The following PCDHGA3 variants were observed in gnomAD, a reference collection of about 807,000 sequenced individuals.
PCDHGA3 encodes protocadherin gamma-A3.
PCDHGA3 carries 40 observed loss-of-function variants against 58.5 expected under a neutral mutation model. The ratio of observed to expected loss-of-function variants is 0.68; its 90% confidence interval spans 0.53 to 0.89. The LOEUF is 0.89. PCDHGA3 is among the 40% of genes least tolerant of loss of function. The pLI, the probability that PCDHGA3 is intolerant of heterozygous loss-of-function variation, is 0.00. For missense variants in PCDHGA3, 1,223 were observed against 1,195.9 expected, an observed-to-expected ratio of 1.02 and a Z score of -0.33; for synonymous variants, 530 against 525.7, an observed-to-expected ratio of 1.01 and a Z score of -0.11.
chr5:141,494,937 G>C (rs759078748), intron 2 of PCDHGA3, 72 bp downstream of exon 2: 1 of 1,612,276 alleles, frequency 6.2e-7, no homozygotes, highest in African/African-American at 1.3e-5. Flanking sequence ...GAGGAGATGG[G>C]GGAGGGCCCA....
chr5:141,502,884 A>T (rs2099816871), intron 2 of PCDHGA3, among the ~76,000 whole-genome samples: 1 of 36,804 alleles, frequency 2.7e-5, no homozygotes, highest in African/African-American at 3.5e-4. Context: ...TTTTTTTGAC[A>T]GGGAGTCTAG....
rs772637812 is a variant in PCDHGA3 at position 141,408,685 on chromosome 5, TATAAAC to T, written c.2424+62235_2424+62240del. On this transcript the variant is annotated intron_variant, in intron 1 of 3. Transcript: ENST00000253812. ...CGCTTGACCCTGCCACGGATCCTGA[TATAAAC>T]ATAAACTCAATTAAAGATTATAAGA... 8 of 1,613,994 alleles carry T rather than the reference TATAAAC, an allele frequency of 5.0e-6. No individual in the cohort carries two copies. The Admixed American group carries it at 1.0e-4, about 20-fold the overall frequency.
rs1437409726 is a variant in PCDHGA3, at chr5:141,471,036, C to T, written c.2425-23771C>T. Among the ~76,000 whole-genome samples the T allele has an allele frequency of 2.8e-5, 4 of 144,908 alleles. No homozygotes were observed. The South Asian group carries it at 6.5e-4, about 24-fold the overall frequency. ...CTGGTCAATCATTTTTATTAACAAG[C>T]CCAAGCCCTCTTTTTTTTTTTTTTT... On this transcript the variant is annotated intron_variant, in intron 1 of 3. Transcript: ENST00000253812.
chr5:141,395,558 G>C (rs60237573), intron 1 of PCDHGA3: 1 of 127,872 alleles, frequency 7.8e-6, no homozygotes, highest in Non-Finnish European at 1.4e-5. Flanking sequence ...GTGTGTGTGT[G>C]TGTGTGTGTG....
intron 1 of PCDHGA3, chr5:141,427,310 C>A (rs989300491): frequency 2.2e-5 from 10 of 456,738 alleles, no homozygotes; most frequent in African/African-American, 1.8e-4. Flanking sequence ...ATGACAATGC[C>A]CCAGACGTGG....
chr5:141,477,819 T>C lies in PCDHGA3; in HGVS notation c.2425-16988T>C. 1.9e-6 allele frequency: 3 copies of C among 1,614,138 alleles called. No individual in the cohort carries two copies. The highest frequency in any genetic ancestry group is 2.5e-6 in the Non-Finnish European group (3 of 1,180,030). On this transcript the variant is annotated intron_variant, in intron 1 of 3. Transcript: ENST00000253812. The surrounding 1 kb of genome is among the most constrained non-coding windows in gnomAD (Gnocchi z 4.9). ...CGCAATGACAATGCCCCCCAGGTCC[T>C]ATATCCTCGGCCAGGTGGGAGCTCG...
chr5:141,350,480 GT>G lies in PCDHGA3; in HGVS notation c.2424+4025del, dbSNP rs1758487780. On this transcript the variant is annotated intron_variant, in intron 1 of 3. Coordinates refer to ENST00000253812, the MANE Select transcript of PCDHGA3 (RefSeq NM_018916.4). ...GGTTAGTGCAGAGGATTATTTCAAC[GT>G]TAGTTTGGAGAGCGGGGATTTGTTA... 6 of 1,614,016 alleles carry G rather than the reference GT, an allele frequency of 3.7e-6. No homozygotes were observed. In the East Asian group the frequency reaches 1.1e-4, roughly 30 times the overall value.
At position 141,419,527 on chromosome 5, in the gene PCDHGA3, C is replaced by G. The variant is rs755936657; in HGVS notation, c.2424+73070C>G. ...TGCGCGTGTTGGTGGGCGACCGTAA[C>G]GACAACGCACCGCGGGTGCTGTACC... is the stretch of plus-strand genomic sequence containing the variant. On this transcript the variant is annotated intron_variant, in intron 1 of 3. Transcript: ENST00000253812. The G allele has an allele frequency of 6.8e-5, 110 of 1,612,064 alleles. 2 individuals carry two copies. In the South Asian group the frequency reaches 9.6e-4, roughly 14 times the overall value.
At chr5:141,414,802 G>C (rs201378410) in intron 1 of PCDHGA3, 3 of 1,614,108 alleles carry the variant, frequency 1.9e-6, no homozygotes, top group Admixed American at 3.3e-5. Flanking sequence ...CGACAGCGGG[G>C]ATCCTCCACT....
chr5:141,408,817 G>T (rs2095174337), intron 1 of PCDHGA3: 2 of 1,613,438 alleles, frequency 1.2e-6, no homozygotes, highest in Admixed American at 1.7e-5. Context: ...GGGAAGAACA[G>T]AGATCTCATA....
chr5:141,383,475 G>A (rs762489709), intron 1 of PCDHGA3: 1 of 1,613,594 alleles, frequency 6.2e-7, no homozygotes, highest in African/African-American at 1.3e-5. Flanking sequence ...CTAAGTACCC[G>A]GAACTGGTGC....
chr5:141,476,726 C>T lies in PCDHGA3; in HGVS notation c.2425-18081C>T. On this transcript the variant is annotated intron_variant, in intron 1 of 3. Coordinates refer to ENST00000253812, the MANE Select transcript of PCDHGA3 (RefSeq NM_018916.4). This position sits in a 1 kb window ranked among gnomAD's most constrained non-coding sequence, Gnocchi z 7.6. ...GCTGGTGTTGGAGCGCGCCCTGGAC[C>T]GAGAACGGGAGCCTAGTCTCCAGTT... The T allele has an allele frequency of 6.2e-7, 1 of 1,614,116 alleles. No homozygotes were observed. The highest frequency in any genetic ancestry group is 8.5e-7 in the Non-Finnish European group (1 of 1,180,028).
intron 1 of PCDHGA3, among the ~76,000 whole-genome samples, chr5:141,469,045 G>C (rs35157158): frequency 1.4e-3 from 207 of 152,234 alleles, no homozygotes; most frequent in Middle Eastern, 0.01. Flanking sequence ...GGGAGGCCAA[G>C]GTGGGAGGAT....
chr5:141,418,041 T>C lies in PCDHGA3; in HGVS notation c.2424+71584T>C, dbSNP rs764313049. The C allele has an allele frequency of 1.2e-6, 2 of 1,613,858 alleles. No individual in the cohort carries two copies. Among genetic ancestry groups the C allele is most frequent in the Non-Finnish European group, 1.7e-6 (2 of 1,179,856 alleles). On this transcript the variant is annotated intron_variant, in intron 1 of 3. Transcript: ENST00000253812. ...GATCTAGGGCTTAGTGTCCTGGATG[T>C]GTCGGCTCGCGAGCTGCGAGTGAGC... is the stretch of plus-strand genomic sequence containing the variant.
intron 1 of PCDHGA3, chr5:141,372,106 G>T: frequency 6.2e-7 from 1 of 1,613,828 alleles, no homozygotes; most frequent in Non-Finnish European, 8.5e-7. Flanking sequence ...GGGCCCGAAG[G>T]CTCTGCGCTC....
At chr5:141,384,379 G>C in intron 1 of PCDHGA3, 1 of 1,613,934 alleles carries the variant, frequency 6.2e-7, no homozygotes, top group Non-Finnish European at 8.5e-7. Flanking sequence ...CTTGGCCGAA[G>C]ACACCATCCA....
At chr5:141,430,873 G>C (rs2097319709) in intron 1 of PCDHGA3, 1 of 1,598,842 alleles carries the variant, frequency 6.3e-7, no homozygotes, top group African/African-American at 1.3e-5. Flanking sequence ...TTCCGGAAGA[G>C]CTGGAGAAAG....
rs1238716873 is a variant in PCDHGA3, at chr5:141,345,251, G to A, written c.1218G>A (p.Thr406=). The change falls in exon 1 of 4, where the codon ACG becomes ACA. Residue 406 remains threonine, a synonymous_variant. Coordinates refer to ENST00000253812, the MANE Select transcript of PCDHGA3 (RefSeq NM_018916.4). ...KSIDQYYRLV[T]ATSLDREQIS... is the part of the protein sequence containing the mutation. The stretch of plus-strand genomic sequence containing the variant: ...TAGATCAATATTACCGCTTAGTGAC[G>A]GCCACATCCCTGGACCGCGAACAAA... The A allele has an allele frequency of 2.5e-6, 4 of 1,613,748 alleles. No homozygotes were observed. The highest frequency in any genetic ancestry group is 2.7e-5 in the African/African-American group (2 of 74,844).
At chr5:141,382,791 C>T in intron 1 of PCDHGA3, 1 of 942,536 alleles carries the variant, frequency 1.1e-6, no homozygotes, top group Non-Finnish European at 1.6e-6. Context: ...AGCCTCTATC[C>T]TGCTGGATTC....
Sources: gnomAD v4.1 joint callset for allele counts (sites outside exome capture counted in the v4.1 genomes callset) on GRCh38, gnomAD v4.1.1 for gene constraint, Gnocchi (gnomAD v3.1) non-coding constraint, MANE v1.5 for transcripts, NCBI Gene and HGNC (gene_info 2026-07-23, HGNC 2026-07-21) for gene names.